ZFPM2: variants seen among roughly 807,000 people sequenced by gnomAD.
ZFPM2 encodes the protein zinc finger protein, FOG family member 2.
ZFPM2 carries 20 observed loss-of-function variants against 98.6 expected under a neutral mutation model. That is an observed-to-expected ratio of 0.20 (90% CI 0.14 to 0.29). The LOEUF is 0.29. Among genes scored for constraint, ZFPM2 ranks in the 10% least tolerant of loss-of-function variants. The pLI is 1.00. For synonymous variants in ZFPM2, 518 were observed against 502.7 expected (o/e 1.03, Z -0.41); for missense variants, 1,310 against 1,388.6 (o/e 0.94, Z 0.90).
At chr8:105,426,762 A>G (rs1449800298) in intron 2 of ZFPM2, among the ~76,000 whole-genome samples, 7 of 150,944 alleles carry the variant, frequency 4.6e-5, no homozygotes, top group Non-Finnish European at 1.0e-4. Flanking sequence ...CCTGGTCAAC[A>G]TGGTGAAATC....
chr8:105,490,630 A>G (rs151333973), intron 3 of ZFPM2, among the ~76,000 whole-genome samples: 53 of 152,288 alleles, frequency 3.5e-4, no homozygotes, highest in African/African-American at 1.1e-3. Context: ...AGAAAATCCA[A>G]CTTTTGTTGT....
At chr8:105,570,316 A>C (rs1357834639) in intron 4 of ZFPM2, among the ~76,000 whole-genome samples, 3 of 148,366 alleles carry the variant, frequency 2.0e-5, no homozygotes, top group African/African-American at 7.4e-5. Context: ...TTTTATTTTT[A>C]TTTATTTTTT....
At chr8:105,529,145 A>C (rs1458554787) in intron 3 of ZFPM2, among the ~76,000 whole-genome samples, 4 of 152,092 alleles carry the variant, frequency 2.6e-5, no homozygotes, top group Non-Finnish European at 5.9e-5. Context: ...GTAGATGGCC[A>C]TGTTCTTCTG....
chr8:105,397,009 C>T (rs1811233162), intron 1 of ZFPM2, among the ~76,000 whole-genome samples: 1 of 152,110 alleles, frequency 6.6e-6, no homozygotes, highest in Non-Finnish European at 1.5e-5. Flanking sequence ...AGAAATAACA[C>T]AAATGAAACT....
At chr8:105,783,286 T>C (rs1280359245) in intron 5 of ZFPM2, among the ~76,000 whole-genome samples, 4 of 151,148 alleles carry the variant, frequency 2.6e-5, no homozygotes, top group East Asian at 1.9e-4. Context: ...GTTATATTCT[T>C]ATTCTTAGTT....
chr8:105,777,318 C>T (rs1019808585), intron 5 of ZFPM2, among the ~76,000 whole-genome samples: 9 of 152,096 alleles, frequency 5.9e-5, no homozygotes, highest in Non-Finnish European at 1.3e-4. Context: ...AAAAAGTTTG[C>T]GTTTTCATTT....
At chr8:105,466,142 T>G (rs1359170431) in intron 3 of ZFPM2, among the ~76,000 whole-genome samples, 3 of 152,012 alleles carry the variant, frequency 2.0e-5, no homozygotes, top group Non-Finnish European at 4.4e-5. Context: ...GCATTTAATT[T>G]TTAATATTTT....
rs1159110501 is a variant in ZFPM2 at position 105,447,111 on chromosome 8, A to G, written c.301+2730A>G. Among the ~76,000 whole-genome samples, 3 of 152,090 alleles carry G rather than the reference A, an allele frequency of 2.0e-5. No individual in the cohort carries two copies. The South Asian group carries it at 6.2e-4, about 32-fold the overall frequency. Reference sequence around the variant, plus strand: ...AATGGGCTTTACTGATGGTTACCCCATTTACCCTGATATGACTATTACACA... The same window carrying G: ...AATGGGCTTTACTGATGGTTACCCCGTTTACCCTGATATGACTATTACACA... On this transcript the variant is annotated intron_variant, in intron 3 of 7. Transcript: ENST00000407775.
intron 1 of ZFPM2, among the ~76,000 whole-genome samples, chr8:105,328,489 A>C (rs2130661937): frequency 6.6e-6 from 1 of 151,940 alleles, no homozygotes; most frequent in South Asian, 2.1e-4. Flanking sequence ...TGAAAATTTC[A>C]AATTTGTAAT....
At chr8:105,406,852 C>A (rs1811469731) in intron 1 of ZFPM2, among the ~76,000 whole-genome samples, 1 of 151,902 alleles carries the variant, frequency 6.6e-6, no homozygotes. Context: ...ATGGCAGAGG[C>A]AATAGTAGGC....
chr8:105,533,975 C>CCCTTTCTCCCTCCCTCTCCTT (rs1814366127), intron 3 of ZFPM2, among the ~76,000 whole-genome samples: 1 of 34,982 alleles, frequency 2.9e-5, no homozygotes, highest in East Asian at 8.7e-4. Context: ...TCCCTCTCCT[C>CCCTTTCTCCCTCCCTCTCCTT]CCTCCCTCCT....
intron 3 of ZFPM2, among the ~76,000 whole-genome samples, chr8:105,533,477 T>C (rs1814340117): frequency 6.6e-6 from 1 of 152,156 alleles, no homozygotes; most frequent in Non-Finnish European, 1.5e-5. Context: ...TTCTTATGTA[T>C]CTGGAAGAGT....
chr8:105,333,314 T>A (rs10101293), intron 1 of ZFPM2, among the ~76,000 whole-genome samples: 6,231 of 151,824 alleles, frequency 0.041, 410 homozygotes, highest in African/African-American at 0.14. Context: ...GTATGAATAT[T>A]TTATTGAGGC....
chr8:105,605,770 C>T (rs1816185163), intron 4 of ZFPM2, among the ~76,000 whole-genome samples: 2 of 152,058 alleles, frequency 1.3e-5, no homozygotes, highest in African/African-American at 4.8e-5. Context: ...CTATATCTAG[C>T]TGTATGCAAT....
chr8:105,517,638 G>A (rs13267536), intron 3 of ZFPM2, among the ~76,000 whole-genome samples: 24,185 of 150,894 alleles, frequency 0.16, 2,366 homozygotes, highest in Admixed American at 0.21. Context: ...TCACTTCAGG[G>A]CAGGAGTTTG....
chr8:105,434,311 GT>G lies in ZFPM2; in HGVS notation c.200-9966del, dbSNP rs535782539. On this transcript the variant is annotated intron_variant, in intron 2 of 7. Coordinates refer to ENST00000407775, the MANE Select transcript of ZFPM2 (RefSeq NM_012082.4). ...AGAGTTAATTTAACATGACATTTCT[GT>G]TTGGATAATCTATAACCAAACAATT... is the stretch of plus-strand genomic sequence containing the variant. Among the ~76,000 whole-genome samples, 153 of 152,030 alleles carry G rather than the reference GT, an allele frequency of 1.0e-3. 1 individual carries two copies. The highest frequency in any genetic ancestry group is 3.6e-3 in the African/African-American group (149 of 41,472).
chr8:105,762,772 T>C (rs1812760840), intron 5 of ZFPM2, among the ~76,000 whole-genome samples: 1 of 151,930 alleles, frequency 6.6e-6, no homozygotes, highest in African/African-American at 2.4e-5. Context: ...TAGCCAGATT[T>C]TGGATATAAA....
At chr8:105,571,577 A>T (rs1290984961) in intron 4 of ZFPM2, among the ~76,000 whole-genome samples, 1 of 152,190 alleles carries the variant, frequency 6.6e-6, no homozygotes, top group African/African-American at 2.4e-5. Flanking sequence ...TTGTCATTCT[A>T]TACTGATTTC....
intron 4 of ZFPM2, among the ~76,000 whole-genome samples, chr8:105,594,940 A>C (rs1036657506): frequency 1.3e-5 from 2 of 152,152 alleles, no homozygotes; most frequent in African/African-American, 4.8e-5. Flanking sequence ...ATAGTATCAT[A>C]AGATGATTTC....
Sources: allele counts gnomAD v4.1 joint callset (sites outside exome capture counted in the v4.1 genomes callset), GRCh38; gene constraint gnomAD v4.1.1; transcripts MANE v1.5; gene names NCBI Gene and HGNC (gene_info 2026-07-23, HGNC 2026-07-21).